The following NSD1 variants were observed in gnomAD, a reference collection of about 807,000 sequenced individuals.
The protein encoded by NSD1 is nuclear receptor binding SET domain protein 1.
Under a neutral mutation model 242.7 loss-of-function variants are expected in NSD1, and 26 were observed. That is an observed-to-expected ratio of 0.11 (90% CI 0.08 to 0.15). The LOEUF (loss-of-function observed/expected upper bound fraction) is 0.15, where lower values mean the gene tolerates loss of function less well. NSD1 is among the 10% of genes least tolerant of loss of function. The probability of loss-of-function intolerance (pLI) is 1.00; values close to 1 mark genes in which losing one functional copy is unlikely to be tolerated. For missense variants in NSD1, 2,495 were observed against 3,272.8 expected (o/e 0.76, Z 5.80); for synonymous variants, 1,106 against 1,178.1 (o/e 0.94, Z 1.25).
chr5:177,259,695 A>G (rs1197325843), intron 13 of NSD1, among the ~76,000 whole-genome samples: 2 of 152,102 alleles, frequency 1.3e-5, no homozygotes, highest in South Asian at 2.1e-4. Context: ...CCCTCTCCCT[A>G]TTTATTCTGG....
chr5:177,171,327 T>C (rs1268840082), intron 2 of NSD1, among the ~76,000 whole-genome samples: 2 of 152,002 alleles, frequency 1.3e-5, no homozygotes, highest in Non-Finnish European at 2.9e-5. Context: ...AAGGAAACCT[T>C]GTACGCTTTA....
intron 2 of NSD1, among the ~76,000 whole-genome samples, chr5:177,138,641 A>G (rs1467518656): frequency 6.7e-6 from 1 of 149,702 alleles, no homozygotes; most frequent in Non-Finnish European, 1.5e-5. Flanking sequence ...TTTAAACTGA[A>G]GACATTTTTT....
intron 2 of NSD1, among the ~76,000 whole-genome samples, chr5:177,168,079 A>G (rs34446750): frequency 0.14 from 21,699 of 152,188 alleles, 2,031 homozygotes; most frequent in East Asian, 0.51. Context: ...GAGTATTGCC[A>G]TTTTAACAAC....
At chr5:177,249,856 G>A (rs1755781761) in intron 11 of NSD1, among the ~76,000 whole-genome samples, 1 of 152,188 alleles carries the variant, frequency 6.6e-6, no homozygotes, top group Admixed American at 6.5e-5. Context: ...TGAGGCTGAG[G>A]TGGGTGGATC....
chr5:177,278,299 A>G lies in NSD1; in HGVS notation c.5623-2266A>G, dbSNP rs1221977361. Among the ~76,000 whole-genome samples, 12 of 152,092 alleles carry G rather than the reference A, an allele frequency of 7.9e-5. No homozygotes were observed. The South Asian group carries it at 8.3e-4, about 11-fold the overall frequency. On this transcript the variant is annotated intron_variant, in intron 17 of 22. Transcript: ENST00000439151. ...AGCTTTATAATTTTTTTGTAGACAT[A>G]GGGTTTCATTGTGTTGCCTGGTCTG...
rs2127280511 is a variant in NSD1, at chr5:177,294,323, C to T, written c.6955C>T (p.Pro2319Ser). The change falls in exon 23 of 23, where the codon CCA (proline) becomes TCA (serine). Residue 2319 changes from proline to serine, a missense_variant. Physicochemically the swap from Pro to Ser is moderately conservative, Grantham distance 74 (BLOSUM62 -1). Around this residue, in one of 19 missense-constraint regions of NSD1, gnomAD observed 475 missense variants for 563.7 expected, o/e 0.84. Transcript: ENST00000439151. ...TTCCAGCCAGAGGCCACTGGACAGG[C>T]CACCAGCAGTGGCAGGACCAAGACC... ...LVSSQRPLDR[P>S]PAVAGPRPQL... The T allele has an allele frequency of 6.2e-7, 1 of 1,614,178 alleles. No individual in the cohort carries two copies. Among genetic ancestry groups the T allele is most frequent in the Non-Finnish European group, 8.5e-7 (1 of 1,180,032 alleles).
chr5:177,248,150 C>T (rs755713224), intron 10 of NSD1, 31 bp from the exon 11 acceptor site: 2 of 1,612,724 alleles, frequency 1.2e-6, no homozygotes, highest in East Asian at 2.2e-5. Context: ...ATCAATAATA[C>T]AGATGTGGGA....
chr5:177,185,126 C>T (rs758536123), intron 2 of NSD1, among the ~76,000 whole-genome samples: 67 of 152,068 alleles, frequency 4.4e-4, no homozygotes, highest in Non-Finnish European at 5.4e-4. Context: ...CACTTCCCCT[C>T]GTCTTTACCT....
chr5:177,250,705 G>C (rs1184568421), intron 11 of NSD1, among the ~76,000 whole-genome samples: 1 of 152,078 alleles, frequency 6.6e-6, no homozygotes, highest in Non-Finnish European at 1.5e-5. Context: ...CAGACTATAG[G>C]TTGATAAAGT....
intron 3 of NSD1, among the ~76,000 whole-genome samples, chr5:177,197,344 C>T (rs185554742): frequency 4.0e-5 from 6 of 151,808 alleles, no homozygotes; most frequent in African/African-American, 4.8e-5. Context: ...TAAAACAGGG[C>T]GGGTGCAGTG....
intron 22 of NSD1, among the ~76,000 whole-genome samples, chr5:177,293,281 T>G (rs926434262): frequency 6.6e-6 from 1 of 152,130 alleles, no homozygotes; most frequent in African/African-American, 2.4e-5. Context: ...TTCTACTGAT[T>G]CCATGTGAAC....
intron 2 of NSD1, among the ~76,000 whole-genome samples, chr5:177,180,101 A>AT (rs1177629072): frequency 0.018 from 2,445 of 137,690 alleles, 80 homozygotes; most frequent in African/African-American, 0.061. Flanking sequence ...TTATTTATTT[A>AT]TTTTTTTTTT....
intron 14 of NSD1, among the ~76,000 whole-genome samples, chr5:177,263,701 T>C (rs533564476): frequency 1.3e-5 from 2 of 152,372 alleles, no homozygotes; most frequent in African/African-American, 4.8e-5. Flanking sequence ...CAAGCTGAAC[T>C]ATCCACATTG....
At chr5:177,288,997 C>A in intron 21 of NSD1, 72 bp downstream of exon 21, 2 of 1,049,982 alleles carry the variant, frequency 1.9e-6, no homozygotes, top group Non-Finnish European at 3.0e-6. Flanking sequence ...TTAGGGCAGT[C>A]TACATTTTAA....
At chr5:177,230,568 A>G (rs895870247) in intron 5 of NSD1, among the ~76,000 whole-genome samples, 6 of 152,056 alleles carry the variant, frequency 3.9e-5, no homozygotes, top group African/African-American at 1.4e-4. Context: ...GCTCAAGCCT[A>G]TAATCCCAGC....
At chr5:177,225,395 A>G (rs1307666900) in intron 5 of NSD1, among the ~76,000 whole-genome samples, 1 of 152,080 alleles carries the variant, frequency 6.6e-6, no homozygotes, top group Non-Finnish European at 1.5e-5. Flanking sequence ...TGCCTGTCTG[A>G]GCCTCCCAAA....
intron 2 of NSD1, among the ~76,000 whole-genome samples, chr5:177,146,205 G>GTTTT (rs34454786): frequency 5.2e-5 from 6 of 115,008 alleles, no homozygotes; most frequent in Non-Finnish European, 8.6e-5. Flanking sequence ...TTCACCAATC[G>GTTTT]TTTTTTTTTT....
chr5:177,288,541 A>G (rs974463242), intron 20 of NSD1: 19 of 369,734 alleles, frequency 5.1e-5, no homozygotes, highest in Admixed American at 2.5e-4. Context: ...TTGAATCTGA[A>G]TGGTTAATAA....
intron 14 of NSD1, chr5:177,266,645 A>G (rs1009056643): frequency 9.0e-6 from 4 of 442,692 alleles, no homozygotes; most frequent in African/African-American, 2.0e-5. Context: ...TTTCTATAGT[A>G]GGATTTTAAG....
Sources: gnomAD v4.1 joint callset for allele counts (sites outside exome capture counted in the v4.1 genomes callset) on GRCh38, gnomAD v4.1.1 for gene constraint, gnomAD v4.1.1 regional missense constraint, MANE v1.5 for transcripts, NCBI Gene and HGNC (gene_info 2026-07-23, HGNC 2026-07-21) for gene names.